Variants in MYRFL observed in about 807,000 individuals in gnomAD.
MYRFL encodes the protein myelin regulatory factor-like protein.
In MYRFL, 88 loss-of-function variants were observed where a neutral mutation model predicts 109.4. The observed-to-expected ratio is 0.80, with a 90% CI of 0.68 to 0.96. MYRFL has a LOEUF of 0.96. MYRFL is among the 40% of genes least tolerant of loss of function. MYRFL has a pLI of 0.00. For missense variants in MYRFL, 957 were observed against 954.9 expected (o/e 1.00, Z -0.03); for synonymous variants, 324 against 320.9 (o/e 1.01, Z -0.10).
intron 1 of MYRFL, among the ~76,000 whole-genome samples, chr12:69,832,543 A>G (rs780779528): frequency 5.3e-5 from 8 of 152,158 alleles, no homozygotes; most frequent in Admixed American, 1.3e-4. Flanking sequence ...AGCTAAGACA[A>G]TCAGGAATGG....
chr12:69,836,146 T>C (rs1882925861), intron 1 of MYRFL, among the ~76,000 whole-genome samples: 1 of 152,220 alleles, frequency 6.6e-6, no homozygotes, highest in Non-Finnish European at 1.5e-5. Context: ...CGGATTGCCC[T>C]GGCCAAATTC....
At chr12:69,946,051 T>C (rs1955831142) in intron 19 of MYRFL, among the ~76,000 whole-genome samples, 1 of 145,150 alleles carries the variant, frequency 6.9e-6, no homozygotes, top group African/African-American at 2.6e-5. Context: ...AGTGTAATCA[T>C]GTCCATAAGA....
chr12:69,831,844 G>A (rs1251324646), intron 1 of MYRFL, among the ~76,000 whole-genome samples: 1 of 152,080 alleles, frequency 6.6e-6, no homozygotes, highest in Non-Finnish European at 1.5e-5. Flanking sequence ...TATTCAGTCA[G>A]TTGTCAAAGT....
chr12:69,936,039 A>AT lies in MYRFL; in HGVS notation c.1917-73dup, dbSNP rs200108351. 1,051 of 1,403,992 alleles carry AT rather than the reference A, an allele frequency of 7.5e-4. 20 individuals carry two copies. In the East Asian group the frequency reaches 0.027, roughly 36 times the overall value. The allele number at this position is 1,403,992 out of a possible 1,614,324, so 87.0% of individuals were successfully genotyped here. A position where few individuals can be genotyped will look rare whatever the true frequency, so the allele number is the denominator to read the frequency against. On this transcript the variant is annotated intron_variant, in intron 16 of 24. Coordinates refer to ENST00000552032, the MANE Select transcript of MYRFL (RefSeq NM_182530.3). ...TGAGAGTACATCTCTGGCCAGCTGG[A>AT]TGTGTGAGATATATCTGGAAACAAA...
intron 2 of MYRFL, among the ~76,000 whole-genome samples, chr12:69,870,128 GGA>G (rs1565983520): frequency 9.4e-6 from 1 of 106,894 alleles, no homozygotes; most frequent in African/African-American, 3.7e-5. Context: ...TTTTTTTTTG[GGA>G]CAGAGTCTCA....
intron 1 of MYRFL, among the ~76,000 whole-genome samples, chr12:69,830,369 C>G (rs1221122556): frequency 6.6e-6 from 1 of 150,558 alleles, no homozygotes; most frequent in Non-Finnish European, 1.5e-5. Context: ...TCTATGGGAT[C>G]CCTATACTGT....
intron 6 of MYRFL, among the ~76,000 whole-genome samples, chr12:69,887,510 C>G (rs1224332714): frequency 6.6e-6 from 1 of 152,042 alleles, no homozygotes; most frequent in African/African-American, 2.4e-5. Context: ...AAAGCTTCAC[C>G]CAATTTTTAT....
chr12:69,862,295 G>T (rs1379240388), intron 2 of MYRFL, among the ~76,000 whole-genome samples: 2 of 150,292 alleles, frequency 1.3e-5, no homozygotes, highest in Non-Finnish European at 3.0e-5. Context: ...GAAAGTCATT[G>T]GTAGCTTGAT....
At chr12:69,924,697 A>G (rs1326506615) in intron 13 of MYRFL, among the ~76,000 whole-genome samples, 1 of 152,184 alleles carries the variant, frequency 6.6e-6, no homozygotes, top group Non-Finnish European at 1.5e-5. Flanking sequence ...ATTTTGAAGG[A>G]TGTATGGTAA....
intron 10 of MYRFL, among the ~76,000 whole-genome samples, chr12:69,898,222 C>T (rs1251683024): frequency 6.6e-6 from 1 of 152,168 alleles, no homozygotes; most frequent in Non-Finnish European, 1.5e-5. Context: ...TTGAACTGTT[C>T]TGAAACAAAG....
chr12:69,955,539 T>TATCA (rs1334596536), intron 22 of MYRFL, 102 bp downstream of exon 22: 2 of 498,360 alleles, frequency 4.0e-6, no homozygotes, highest in East Asian at 6.5e-5. Flanking sequence ...GGCAGAAAGC[T>TATCA]ATCAGTTTGT....
At chr12:69,864,466 C>T (rs1884889735) in intron 2 of MYRFL, among the ~76,000 whole-genome samples, 1 of 152,066 alleles carries the variant, frequency 6.6e-6, no homozygotes, top group African/African-American at 2.4e-5. Context: ...CCTGCAAATA[C>T]CCCTACCCTC....
At chr12:69,936,049 T>G in intron 16 of MYRFL, 64 bp from the exon 17 acceptor site, 1 of 1,493,982 alleles carries the variant, frequency 6.7e-7, no homozygotes, top group East Asian at 2.5e-5. Flanking sequence ...ATGTGTGAGA[T>G]ATATCTGGAA....
chr12:69,947,683 T>C (rs1018858484), intron 19 of MYRFL, among the ~76,000 whole-genome samples: 1 of 152,204 alleles, frequency 6.6e-6, no homozygotes, highest in Non-Finnish European at 1.5e-5. Context: ...AAATCTGGAA[T>C]TCATGCTCAT....
rs117250902 is a variant in MYRFL, at chr12:69,869,665, G to A, written c.138-9363G>A. On this transcript the variant is annotated intron_variant, in intron 2 of 24. Coordinates refer to ENST00000552032, the MANE Select transcript of MYRFL (RefSeq NM_182530.3). ...AGGTGCAATAGAGCTTTAGAGAAGGGGCGGTTGGTGTTGTATGAAGGCACC... is the reference window on the plus strand; with the variant it reads ...AGGTGCAATAGAGCTTTAGAGAAGGAGCGGTTGGTGTTGTATGAAGGCACC... Among the ~76,000 whole-genome samples the A allele has an allele frequency of 4.5e-3, 689 of 152,294 alleles. 3 individuals carry two copies. Among genetic ancestry groups the A allele is most frequent in the Non-Finnish European group, 7.9e-3 (538 of 68,028 alleles).
intron 11 of MYRFL, among the ~76,000 whole-genome samples, chr12:69,905,624 G>T (rs528569948): frequency 6.6e-6 from 1 of 152,150 alleles, no homozygotes; most frequent in African/African-American, 2.4e-5. Context: ...TTTTACCCAG[G>T]TTAAGAGATT....
chr12:69,955,582 T>C (rs1424746019), intron 22 of MYRFL, 145 bp downstream of exon 22: 1 of 472,562 alleles, frequency 2.1e-6, no homozygotes. Flanking sequence ...GGTGGCCTAT[T>C]TGAAGGAAAG....
In MYRFL at chr12:69,891,069, C is replaced by A; in HGVS notation, c.806C>A (p.Thr269Asn). ...CAAAAGAAGAATCATTTCCAGATAA[C>A]CATTCACATCCAAGTTTGGGGAAGT... Reference protein sequence around the residue: ...VCQKKNHFQITIHIQVWGSPK... With the variant: ...VCQKKNHFQINIHIQVWGSPK... Residue 269 changes from threonine (T) to asparagine (N), a missense_variant, in exon 7 of 25, where the codon ACC becomes AAC. By Grantham distance (65) the Thr-to-Asn change is moderately conservative. Transcript: ENST00000552032. 6.5e-7 allele frequency: 1 copy of A among 1,535,106 alleles called. No individual in the cohort carries two copies. Among genetic ancestry groups the A allele is most frequent in the Non-Finnish European group, 8.7e-7 (1 of 1,146,482 alleles).
chr12:69,950,138 C>G (rs1955940790), intron 19 of MYRFL, among the ~76,000 whole-genome samples: 1 of 151,640 alleles, frequency 6.6e-6, no homozygotes, highest in African/African-American at 2.4e-5. Flanking sequence ...TTTTGCTTAT[C>G]TTTAGAGACC....
Sources: gnomAD v4.1 joint callset for allele counts (sites outside exome capture counted in the v4.1 genomes callset) on GRCh38, gnomAD v4.1.1 for gene constraint, MANE v1.5 for transcripts, NCBI Gene and HGNC (gene_info 2026-07-23, HGNC 2026-07-21) for gene names.